Variants in CASC3 observed in about 807,000 individuals in gnomAD.
CASC3 encodes the protein protein CASC3.
CASC3 carries 30 observed loss-of-function variants against 80.5 expected under a neutral mutation model. That is an observed-to-expected ratio of 0.37 (90% confidence interval 0.28 to 0.51). CASC3 has a LOEUF of 0.51. Among genes scored for constraint, CASC3 ranks in the 20% least tolerant of loss-of-function variants. The probability of loss-of-function intolerance (pLI) is 0.94; values close to 1 mark genes in which losing one functional copy is unlikely to be tolerated. For missense variants in CASC3, 824 were observed against 922.2 expected, an observed-to-expected ratio of 0.89 and a Z score of 1.38; for synonymous variants, 312 against 333.6, an observed-to-expected ratio of 0.94 and a Z score of 0.70.
chr17:40,167,784 G>A, intron 9 of CASC3, 66 bp from the exon 10 acceptor site: 1 of 1,432,432 alleles, frequency 7.0e-7, no homozygotes, highest in African/African-American at 1.4e-5. Flanking sequence ...AAGGGCTTGG[G>A]GAACAAGGAG....
intron 3 of CASC3, among the ~76,000 whole-genome samples, chr17:40,142,613 G>T (rs1988747366): frequency 6.6e-6 from 1 of 152,204 alleles, no homozygotes; most frequent in South Asian, 2.1e-4. Context: ...CTCTGGCCCG[G>T]CGCGGTGGCT....
chr17:40,140,668 C>A lies in CASC3; in HGVS notation c.120C>A (p.Ala40=), dbSNP rs775610775. The A allele has an allele frequency of 6.2e-7, 1 of 1,603,454 alleles. No homozygotes were observed. The highest frequency in any genetic ancestry group is 1.3e-5 in the African/African-American group (1 of 74,564). The change falls in exon 1 of 14, where the codon GCC becomes GCA. Residue 40 remains alanine (A), a synonymous_variant. Transcript: ENST00000264645. ...GAGGCGGGAGCTGCAGCGGTAGCGCCGGAGGCGGCGGCAGCGGCTCTCTGC... is the reference window on the plus strand; with the variant it reads ...GAGGCGGGAGCTGCAGCGGTAGCGCAGGAGGCGGCGGCAGCGGCTCTCTGC... ...LRGGGSCSGS[A]GGGGSGSLPS... is the part of the protein sequence containing the mutation.
At chr17:40,158,993 T>C (rs1245005752) in intron 3 of CASC3, among the ~76,000 whole-genome samples, 1 of 152,132 alleles carries the variant, frequency 6.6e-6, no homozygotes, top group Non-Finnish European at 1.5e-5. Flanking sequence ...CCTAGCACTT[T>C]GGGAGGCTGA....
chr17:40,141,036 A>G (rs1988700633), intron 1 of CASC3, 171 bp from the exon 2 acceptor site: 1 of 677,208 alleles, frequency 1.5e-6, no homozygotes, highest in South Asian at 1.8e-5. Context: ...TCGGGGCTGG[A>G]GGGAAGGAGA....
chr17:40,169,684 A>C (rs1364242159), intron 13 of CASC3, 22 bp downstream of exon 13: 21 of 1,229,080 alleles, frequency 1.7e-5, no homozygotes, highest in Non-Finnish European at 1.9e-5. Flanking sequence ...ACTTACTGTG[A>C]ATATTGTTAA....
rs1209796552 is a variant in CASC3 at position 40,141,275 on chromosome 17, T to A, written c.259+41T>A. Reference sequence around the variant, plus strand: ...TACCCCATTAGGACAAGAGTTTTTTTTAACATAAACTCAGGTCATCTATTT... The same window carrying A: ...TACCCCATTAGGACAAGAGTTTTTTATAACATAAACTCAGGTCATCTATTT... On this transcript the variant is annotated intron_variant, in intron 2 of 13. Coordinates refer to ENST00000264645, the MANE Select transcript of CASC3 (RefSeq NM_007359.5). The A allele has an allele frequency of 3.2e-6, 5 of 1,574,598 alleles. No individual in the cohort carries two copies. The South Asian group carries it at 4.4e-5, about 14-fold the overall frequency.
rs564263979 is a variant in CASC3 at position 40,151,276 on chromosome 17, A to G, written c.297+9669A>G. On this transcript the variant is annotated intron_variant, in intron 3 of 13. Transcript: ENST00000264645. ...ACCCAGTCTGGAGTGCAGTGGCACA[A>G]TCTTGGTTCACTGCAACTTGACCCT... 2.8e-4 allele frequency among the ~76,000 whole-genome samples: 43 copies of G among 152,212 alleles called. 1 individual carries two copies. In the South Asian group the frequency reaches 8.3e-3, roughly 29 times the overall value.
rs560714353 is a variant in CASC3 at position 40,168,213 on chromosome 17, C to T, written c.1761C>T (p.Pro587=). ...GMNLPHPGLH[P]HQTPAPLPNP... ...CTTCTCCTTATCCAGGTTTACATCC[C>T]CACCAGACACCAGCTCCTCTGCCCA... The change falls in exon 11 of 14, where the codon CCC becomes CCT. Residue 587 remains proline, a synonymous_variant. Coordinates refer to ENST00000264645, the MANE Select transcript of CASC3 (RefSeq NM_007359.5). The T allele has an allele frequency of 3.7e-6, 6 of 1,614,032 alleles. No individual in the cohort carries two copies. The South Asian group carries it at 6.6e-5, about 18-fold the overall frequency.
chr17:40,140,999 A>T (rs995416506), intron 1 of CASC3: 15 of 632,516 alleles, frequency 2.4e-5, no homozygotes, highest in Admixed American at 9.7e-5. Context: ...GCCGCTGGAG[A>T]TGGAAAGCGG....
At chr17:40,141,476 CAG>C (rs1305605405) in intron 2 of CASC3, 92 bp from the exon 3 acceptor site, 1 of 1,088,790 alleles carries the variant, frequency 9.2e-7, no homozygotes, top group African/African-American at 1.6e-5. Flanking sequence ...AGGTTGATGT[CAG>C]AATTAAATGA....
intron 3 of CASC3, among the ~76,000 whole-genome samples, chr17:40,154,394 C>T (rs996724420): frequency 4.0e-5 from 6 of 151,762 alleles, no homozygotes; most frequent in South Asian, 4.2e-4. Context: ...CTGCCATGCC[C>T]GGCTAATTTT....
intron 3 of CASC3, among the ~76,000 whole-genome samples, chr17:40,145,710 G>C (rs747716600): frequency 1.3e-5 from 2 of 151,400 alleles, no homozygotes; most frequent in Non-Finnish European, 2.9e-5. Context: ...AACAGAGCAA[G>C]ACCCTGTGTC....
chr17:40,161,418 C>T (rs1470840738), intron 3 of CASC3, among the ~76,000 whole-genome samples: 4 of 152,190 alleles, frequency 2.6e-5, no homozygotes, highest in Non-Finnish European at 4.4e-5. Flanking sequence ...CGGTGGCTCA[C>T]GCCTATAAAC....
intron 3 of CASC3, among the ~76,000 whole-genome samples, chr17:40,147,180 G>A (rs555699782): frequency 6.6e-6 from 1 of 152,328 alleles, no homozygotes; most frequent in African/African-American, 2.4e-5. Flanking sequence ...GAAGACTAGA[G>A]GCAGAAGAGC....
chr17:40,169,269 T>G, intron 11 of CASC3, 55 bp from the exon 12 acceptor site: 3 of 1,450,918 alleles, frequency 2.1e-6, no homozygotes, highest in South Asian at 3.0e-5. Context: ...CTGTTCATCA[T>G]AGGTTGGATG....
chr17:40,162,945 T>TTA, intron 6 of CASC3, 44 bp downstream of exon 6: 1 of 1,551,866 alleles, frequency 6.4e-7, no homozygotes, highest in Non-Finnish European at 8.9e-7. Flanking sequence ...GTATGGTGGC[T>TTA]TACGGTGGCT....
intron 3 of CASC3, among the ~76,000 whole-genome samples, chr17:40,144,599 C>T (rs1183013130): frequency 6.6e-6 from 1 of 150,832 alleles, no homozygotes; most frequent in African/African-American, 2.4e-5. Flanking sequence ...TCCGCCTCAG[C>T]TTCCCAAAGT....
intron 3 of CASC3, among the ~76,000 whole-genome samples, chr17:40,148,568 C>T (rs1231193049): frequency 1.3e-5 from 2 of 152,074 alleles, no homozygotes; most frequent in African/African-American, 4.8e-5. Flanking sequence ...ACCATGTTTT[C>T]CAGGCTGGTC....
At position 40,168,289 on chromosome 17, in the gene CASC3, C is replaced by G. The variant is rs1356458177; in HGVS notation, c.1837C>G (p.Pro613Ala). Residue 613 changes from proline (P) to alanine (A), a missense_variant, in exon 11 of 14, where the codon CCT (proline) becomes GCT (alanine). Coordinates refer to ENST00000264645, the MANE Select transcript of CASC3 (RefSeq NM_007359.5). ...PVSMSPGQPP[P>A]QQLLAPTYFS... is the part of the protein sequence containing the mutation. ...GTCCATGTCTCCAGGACAGCCACCA[C>G]CTCAGCAGTTGCTTGCTCCTACTTA... is the stretch of plus-strand genomic sequence containing the variant. 1.2e-6 allele frequency: 2 copies of G among 1,614,166 alleles called. No individual in the cohort carries two copies. Among genetic ancestry groups the G allele is most frequent in the Admixed American group, 3.3e-5 (2 of 60,014 alleles).
Sources: gnomAD v4.1 joint callset for allele counts (sites outside exome capture counted in the v4.1 genomes callset) on GRCh38, gnomAD v4.1.1 for gene constraint, MANE v1.5 for transcripts, NCBI Gene and HGNC (gene_info 2026-07-23, HGNC 2026-07-21) for gene names.